MIB2: variants seen among roughly 807,000 people sequenced by gnomAD.
The protein encoded by MIB2 is E3 ubiquitin-protein ligase MIB2.
Under a neutral mutation model 96.6 loss-of-function variants are expected in MIB2, and 78 were observed. The observed-to-expected ratio is 0.81, with a 90% CI of 0.67 to 0.97. MIB2 has a LOEUF of 0.97. Among genes scored for constraint, MIB2 ranks in the 50% least tolerant of loss-of-function variants. MIB2 has a pLI of 0.00. For missense variants in MIB2, 1,543 were observed against 1,424.0 expected, an observed-to-expected ratio of 1.08 and a Z score of -1.35; for synonymous variants, 820 against 629.5, an observed-to-expected ratio of 1.30 and a Z score of -4.53.
Position 1,628,292 on chromosome 1 carries a change from G to C in MIB2, c.1861G>C (p.Ala621Pro), listed in dbSNP as rs1399292817. The C allele has an allele frequency of 1.2e-6, 2 of 1,613,006 alleles. No individual in the cohort carries two copies. Among genetic ancestry groups the C allele is most frequent in the Middle Eastern group, 1.7e-4 (1 of 6,060 alleles). Residue 621 changes from alanine to proline, a missense_variant, in exon 15 of 20, where the codon GCT becomes CCT. Ala to Pro is a conservative substitution (Grantham distance 27, BLOSUM62 -1). Transcript: ENST00000355826. Reference sequence around the variant, plus strand: ...CCACAGAGCTGTGAGAAAGATTCTGGCTCGGGCGCGGCAGCTGGTGGACGC... The same window carrying C: ...CCACAGAGCTGTGAGAAAGATTCTGCCTCGGGCGCGGCAGCTGGTGGACGC... ...GHALAVRKIL[A>P]RARQLVDAKK...
At position 1,625,438 on chromosome 1, in the gene MIB2, C is replaced by G. The variant is rs1644654754; in HGVS notation, c.864+10C>G. On this transcript the variant is annotated intron_variant, in intron 7 of 19. Coordinates refer to ENST00000355826, the MANE Select transcript of MIB2 (RefSeq NM_001170687.4). The surrounding 1 kb of genome is among the most constrained non-coding windows in gnomAD (Gnocchi z 5.0). ...CCCCAGGATGGCGGAGGTGAGCCGCCCCGCCGTGGAGCCCTGTGTGCCCTG... is the reference window on the plus strand; with the variant it reads ...CCCCAGGATGGCGGAGGTGAGCCGCGCCGCCGTGGAGCCCTGTGTGCCCTG... 1.3e-6 allele frequency: 2 copies of G among 1,563,122 alleles called. No homozygotes were observed.
upstream of MIB2, chr1:1,615,391 G>T: frequency 1.4e-6 from 2 of 1,441,896 alleles, no homozygotes; most frequent in Non-Finnish European, 1.8e-6. Context: ...CAGGGTAGGC[G>T]ACGCAGACGC....
rs1557600162 is a variant in MIB2 at position 1,626,827 on chromosome 1, C to CT, written c.1078-9dup. ...CTGCAGCCTGCTGTGACCCCCTCCC[C>CT]TCCCCGCAGGCCCTGGGCCGCGTCG... On this transcript the variant is annotated splice_polypyrimidine_tract_variant and intron_variant, in intron 9 of 19. Coordinates refer to ENST00000355826, the MANE Select transcript of MIB2 (RefSeq NM_001170687.4). This position sits in a 1 kb window ranked among gnomAD's most constrained non-coding sequence, Gnocchi z 5.3. The CT allele has an allele frequency of 1.2e-6, 2 of 1,600,876 alleles. No individual in the cohort carries two copies. Among genetic ancestry groups the CT allele is most frequent in the Non-Finnish European group, 1.7e-6 (2 of 1,178,494 alleles).
At position 1,626,690 on chromosome 1, in the gene MIB2, GCGA is replaced by G. The variant is rs778472872; in HGVS notation, c.1015_1017del (p.Asp339del). On this transcript the variant is annotated inframe_deletion, in exon 9 of 20. Transcript: ENST00000355826. This position sits in a 1 kb window ranked among gnomAD's most constrained non-coding sequence, Gnocchi z 5.3. ...GTGGGCGACGTGGTCCGGGTCATCG[GCGA>G]CCTTGACACAGTGAAGCGGCTGCAG... The G allele has an allele frequency of 6.3e-7, 1 of 1,596,562 alleles. No individual in the cohort carries two copies. The highest frequency in any genetic ancestry group is 1.3e-5 in the African/African-American group (1 of 74,520).
At chr1:1,623,177 G>A in intron 2 of MIB2, 1 of 561,570 alleles carries the variant, frequency 1.8e-6, no homozygotes, top group Non-Finnish European at 3.0e-6. Context: ...CAGGCTCCCT[G>A]ATCCCTGGGC....
Position 1,629,477 on chromosome 1 carries a change from C to CGGG in MIB2, c.2476_2478dup (p.Gly826dup). 1 of 1,532,596 alleles carries CGGG rather than the reference C, an allele frequency of 6.5e-7. No individual in the cohort carries two copies. Among genetic ancestry groups the CGGG allele is most frequent in the South Asian group, 1.2e-5 (1 of 83,670 alleles). The allele number at this position is 1,532,596 out of a possible 1,614,324, so 94.9% of individuals were successfully genotyped here. On this transcript the variant is annotated inframe_insertion, in exon 18 of 20. Coordinates refer to ENST00000355826, the MANE Select transcript of MIB2 (RefSeq NM_001170687.4). ...ACGAACCTGCACGTGGGCGCCGCGCCGGGGCCCGAGGCCGCTGAGTGCCTG... is the reference window on the plus strand; with the variant it reads ...ACGAACCTGCACGTGGGCGCCGCGCCGGGGGGGCCCGAGGCCGCTGAGTGCCTG...
In MIB2 at chr1:1,628,372, C is replaced by A. The variant is rs374167559; in HGVS notation, c.1941C>A (p.Arg647=). The A allele has an allele frequency of 6.2e-7, 1 of 1,612,596 alleles. No individual in the cohort carries two copies. ...ALHLAALNNH[R]EVAQILIREG... The stretch of plus-strand genomic sequence containing the variant: ...ATCTGGCTGCCCTCAACAACCACCG[C>A]GAGGTGGCCCAGATCCTCATCCGGG... Residue 647 remains arginine, a synonymous_variant, in exon 15 of 20, where the codon CGC becomes CGA. Coordinates refer to ENST00000355826, the MANE Select transcript of MIB2 (RefSeq NM_001170687.4).
In MIB2 at chr1:1,623,816, A is replaced by G. The variant is rs1644483058; in HGVS notation, c.290A>G (p.His97Arg). 6.2e-7 allele frequency: 1 copy of G among 1,609,718 alleles called. No homozygotes were observed. Among genetic ancestry groups the G allele is most frequent in the Non-Finnish European group, 8.5e-7 (1 of 1,178,678 alleles). ...PNIICDCCKK[H>R]GLRGMRWKCR... ...ATCATCTGTGACTGCTGCAAGAAGC[A>G]CGGGCTGCGGGGGATGCGCTGGAAG... is the stretch of plus-strand genomic sequence containing the variant. The change falls in exon 4 of 20, where the codon CAC (histidine) becomes CGC (arginine). Residue 97 changes from histidine (H) to arginine (R), a missense_variant. Coordinates refer to ENST00000355826, the MANE Select transcript of MIB2 (RefSeq NM_001170687.4).
intron 4 of MIB2, chr1:1,624,264 C>T (rs933795975): frequency 2.0e-5 from 9 of 447,332 alleles, no homozygotes; most frequent in Non-Finnish European, 3.2e-5. Context: ...GGCATCAGCT[C>T]GGGGAGAATC....
upstream of MIB2, chr1:1,614,264 T>C (rs1395805126): frequency 6.6e-6 from 1 of 152,224 alleles, no homozygotes; most frequent in East Asian, 1.9e-4. Context: ...CAGGAATACC[T>C]GCAGCAGGCC....
At chr1:1,615,359 C>T, upstream of MIB2, 1 of 1,409,662 alleles carries the variant, frequency 7.1e-7, no homozygotes, top group Non-Finnish European at 9.2e-7. Context: ...GGCTAAGCCG[C>T]TCGGAACCTA....
At chr1:1,616,927 C>G (rs890783498) in intron 2 of MIB2, 2 of 315,474 alleles carry the variant, frequency 6.3e-6, no homozygotes, top group Non-Finnish European at 1.2e-5. Context: ...GCCTCACATG[C>G]AACAAGTGTC....
intron 2 of MIB2, chr1:1,623,019 C>T (rs1268875981): frequency 6.5e-6 from 2 of 306,338 alleles, no homozygotes; most frequent in African/African-American, 4.4e-5. Flanking sequence ...TCACTTGCCA[C>T]TGCCCGTCCA....
At position 1,616,599 on chromosome 1, in the gene MIB2, C is replaced by T. The variant is rs770661681; in HGVS notation, c.-38C>T. On this transcript the variant is annotated 5_prime_UTR_variant, in exon 2 of 20. Coordinates refer to ENST00000355826, the MANE Select transcript of MIB2 (RefSeq NM_001170687.4). ...AGCCTCAAGGCGGCCCGGCGGGCGA[C>T]TGGACGGCCGGACAGGTGAGCTCTT... 1 of 1,596,768 alleles carries T rather than the reference C, an allele frequency of 6.3e-7. No homozygotes were observed. The highest frequency in any genetic ancestry group is 1.1e-5 in the South Asian group (1 of 88,808).
At chr1:1,622,860 C>T (rs994650842) in intron 2 of MIB2, among the ~76,000 whole-genome samples, 6 of 152,186 alleles carry the variant, frequency 3.9e-5, no homozygotes, top group Admixed American at 6.5e-5. Flanking sequence ...CTCCTGGTCC[C>T]GCTGGCCGAT....
chr1:1,620,604 C>T (rs1557565486), intron 2 of MIB2, among the ~76,000 whole-genome samples: 1 of 152,230 alleles, frequency 6.6e-6, no homozygotes, highest in Non-Finnish European at 1.5e-5. Context: ...CTCACTTGTC[C>T]CCCCGCCAGC....
Position 1,629,414 on chromosome 1 carries a change from CG to C in MIB2, c.2414del (p.Gly805AlafsTer12). 1 of 1,474,668 alleles carries C rather than the reference CG, an allele frequency of 6.8e-7. No homozygotes were observed. 91.3% of individuals were successfully genotyped at this position (1,474,668 alleles called of 1,614,324 possible). ...RERQAGGGAA[P>X]GPRQTLGTPN... ...CGGCAGGCGGGCGGGGGCGCGGCCC[CG>C]GGCCCCAGGCAAACGCTCGGGACCC... On this transcript the variant is annotated frameshift_variant, in exon 18 of 20. Coordinates refer to ENST00000355826, the MANE Select transcript of MIB2 (RefSeq NM_001170687.4). LOFTEE classifies it high-confidence loss of function.
intron 16 of MIB2, 46 bp downstream of exon 16, chr1:1,628,768 G>C (rs762277491): frequency 7.1e-7 from 1 of 1,409,142 alleles, no homozygotes; most frequent in African/African-American, 1.4e-5. Context: ...CGGTGGCGCC[G>C]GCAGCAGGCT....
rs953805312 is a variant in MIB2, at chr1:1,625,656, G to T, written c.972+3G>T. The T allele has an allele frequency of 3.9e-6, 6 of 1,553,410 alleles. No homozygotes were observed. Among genetic ancestry groups the T allele is most frequent in the Admixed American group, 3.9e-5 (2 of 51,752 alleles). On this transcript the variant is annotated splice_donor_region_variant and intron_variant, in intron 8 of 19. Coordinates refer to ENST00000355826, the MANE Select transcript of MIB2 (RefSeq NM_001170687.4). The surrounding 1 kb of genome is among the most constrained non-coding windows in gnomAD (Gnocchi z 5.0). ...TCCACCCCGGGGCGCTCACCAAGGT[G>T]CCGGGGGGGCTGGGCTGCGCCTCAT...
Sources: allele counts gnomAD v4.1 joint callset (sites outside exome capture counted in the v4.1 genomes callset), GRCh38; gene constraint gnomAD v4.1.1; non-coding constraint Gnocchi (gnomAD v3.1); transcripts MANE v1.5; gene names NCBI Gene and HGNC (gene_info 2026-07-23, HGNC 2026-07-21).